Variants in STK32B observed in about 807,000 individuals in gnomAD.
STK32B encodes the protein serine/threonine kinase 32B.
A neutral mutation model predicts 52.6 loss-of-function variants in STK32B; 43 were observed. The observed-to-expected ratio is 0.82, with a 90% confidence interval of 0.64 to 1.05. The LOEUF (loss-of-function observed/expected upper bound fraction) is 1.05, where lower values mean the gene tolerates loss of function less well. Ranked by LOEUF, STK32B falls within the 50% of genes least tolerant of loss-of-function variation. The pLI, the probability that STK32B is intolerant of heterozygous loss-of-function variation, is 0.00. For missense variants in STK32B, 621 were observed against 534.6 expected (o/e 1.16, Z -1.59); for synonymous variants, 238 against 204.3 (o/e 1.17, Z -1.41).
At chr4:5,308,267 A>T (rs1055678284) in intron 3 of STK32B, among the ~76,000 whole-genome samples, 1 of 152,118 alleles carries the variant, frequency 6.6e-6, no homozygotes, top group Non-Finnish European at 1.5e-5. Context: ...TTCCTTGAAA[A>T]GGTCTGTGGA....
intron 11 of STK32B, among the ~76,000 whole-genome samples, chr4:5,483,038 C>T (rs1383341302): frequency 6.6e-6 from 1 of 152,084 alleles, no homozygotes; most frequent in Non-Finnish European, 1.5e-5. Flanking sequence ...GGATATTGGT[C>T]TAAAATTCTC....
intron 4 of STK32B, among the ~76,000 whole-genome samples, chr4:5,358,449 G>A (rs1344569836): frequency 1.3e-5 from 2 of 152,128 alleles, no homozygotes; most frequent in Non-Finnish European, 2.9e-5. Context: ...CTTTATTCCC[G>A]TGTTCTCCCT....
chr4:5,238,306 G>A (rs1724771529), intron 3 of STK32B, among the ~76,000 whole-genome samples: 1 of 152,022 alleles, frequency 6.6e-6, no homozygotes, highest in Non-Finnish European at 1.5e-5. Context: ...GGCTTGTGAT[G>A]GGATGACTGT....
Position 5,396,895 on chromosome 4 carries a change from C to T in STK32B, c.435-1312C>T, listed in dbSNP as rs904952284. 6.6e-6 allele frequency among the ~76,000 whole-genome samples: 1 copy of T among 152,216 alleles called. No homozygotes were observed. The highest frequency in any genetic ancestry group is 1.9e-4 in the East Asian group (1 of 5,194). On this transcript the variant is annotated intron_variant, in intron 4 of 11. Coordinates refer to ENST00000282908, the MANE Select transcript of STK32B (RefSeq NM_018401.3). This position sits in a 1 kb window ranked among gnomAD's most constrained non-coding sequence, Gnocchi z 4.7. The stretch of plus-strand genomic sequence containing the variant: ...ATTTTATAAGTTCTCAAGTTCATCC[C>T]TCCCATGTGGCTCCCTACGGGTCTC...
chr4:5,454,214 G>A (rs1033475232), intron 7 of STK32B, among the ~76,000 whole-genome samples: 14 of 152,300 alleles, frequency 9.2e-5, no homozygotes, highest in Non-Finnish European at 1.9e-4. Flanking sequence ...ACCTCCTGGA[G>A]TGAGAGCTCT....
chr4:5,327,998 T>C (rs1731989725), intron 3 of STK32B, among the ~76,000 whole-genome samples: 2 of 152,234 alleles, frequency 1.3e-5, no homozygotes, highest in African/African-American at 4.8e-5. Flanking sequence ...CTTCACCTTG[T>C]GCTTTTATGT....
chr4:5,154,823 TAGTG>T (rs1183929898), intron 2 of STK32B, among the ~76,000 whole-genome samples: 7 of 152,162 alleles, frequency 4.6e-5, no homozygotes, highest in Non-Finnish European at 7.3e-5. Flanking sequence ...AGTGCTGGCT[TAGTG>T]AGTGCTCGGG....
At chr4:5,253,544 T>G (rs569878812) in intron 3 of STK32B, among the ~76,000 whole-genome samples, 1 of 151,990 alleles carries the variant, frequency 6.6e-6, no homozygotes, top group Admixed American at 6.6e-5. Flanking sequence ...CCCAGCCAAG[T>G]TTTGTATTTT....
intron 3 of STK32B, among the ~76,000 whole-genome samples, chr4:5,283,263 A>T (rs952171383): frequency 1.3e-5 from 2 of 151,970 alleles, no homozygotes; most frequent in African/African-American, 4.8e-5. Flanking sequence ...TTCTTTTTTT[A>T]AAAGGCTAAA....
chr4:5,107,305 G>GGT (rs1295648155), intron 1 of STK32B, among the ~76,000 whole-genome samples: 1 of 152,032 alleles, frequency 6.6e-6, no homozygotes, highest in African/African-American at 2.4e-5. Context: ...TGATCATTAT[G>GGT]GTGAGTTGTA....
chr4:5,249,489 T>TC (rs1560259442), intron 3 of STK32B, among the ~76,000 whole-genome samples: 17 of 123,056 alleles, frequency 1.4e-4, no homozygotes, highest in African/African-American at 5.4e-4. Flanking sequence ...CTTCCTTCCT[T>TC]CCTTCCTTCC....
intron 3 of STK32B, among the ~76,000 whole-genome samples, chr4:5,284,743 A>T (rs1728438071): frequency 6.6e-6 from 1 of 152,190 alleles, no homozygotes; most frequent in Admixed American, 6.5e-5. Context: ...ACATCATATG[A>T]TACTAATCAT....
intron 3 of STK32B, among the ~76,000 whole-genome samples, chr4:5,175,659 G>A (rs1719812557): frequency 6.6e-6 from 1 of 152,200 alleles, no homozygotes; most frequent in Non-Finnish European, 1.5e-5. Context: ...TCGTTCCTCT[G>A]GAAGTTTTGT....
At chr4:5,366,318 G>A (rs7672685) in intron 4 of STK32B, among the ~76,000 whole-genome samples, 7,660 of 152,020 alleles carry the variant, frequency 0.05, 298 homozygotes, top group African/African-American at 0.1. Flanking sequence ...CTGTTTGCTC[G>A]CACCTTCTTC....
At chr4:5,162,291 A>C (rs1219393716) in intron 2 of STK32B, among the ~76,000 whole-genome samples, 1 of 152,086 alleles carries the variant, frequency 6.6e-6, no homozygotes, top group Non-Finnish European at 1.5e-5. Context: ...ATCATTCTCA[A>C]CTCTGGTTGT....
chr4:5,118,725 C>T (rs1360698716), intron 1 of STK32B, among the ~76,000 whole-genome samples: 3 of 152,182 alleles, frequency 2.0e-5, no homozygotes, highest in African/African-American at 7.2e-5. Flanking sequence ...AAGGTAAATT[C>T]CACAGGGAAC....
chr4:5,444,079 G>A (rs934618212), intron 6 of STK32B, among the ~76,000 whole-genome samples: 2 of 152,202 alleles, frequency 1.3e-5, no homozygotes, highest in African/African-American at 4.8e-5. Context: ...GCCCCCAGAG[G>A]TGGAGCCTAC....
intron 6 of STK32B, among the ~76,000 whole-genome samples, chr4:5,426,692 CAAAAAA>C (rs746246839): frequency 0.013 from 1,007 of 78,028 alleles, 5 homozygotes; most frequent in African/African-American, 0.044. Flanking sequence ...TCCATCTAAA[CAAAAAA>C]AAAAAAAAAA....
At chr4:5,308,923 T>C (rs1360735663) in intron 3 of STK32B, among the ~76,000 whole-genome samples, 2 of 151,760 alleles carry the variant, frequency 1.3e-5, no homozygotes, top group African/African-American at 2.4e-5. Flanking sequence ...AGAAAAAAAA[T>C]AAAGGGCATC....
Sources: allele counts gnomAD v4.1 joint callset (sites outside exome capture counted in the v4.1 genomes callset), GRCh38; gene constraint gnomAD v4.1.1; non-coding constraint Gnocchi (gnomAD v3.1); transcripts MANE v1.5; gene names NCBI Gene and HGNC (gene_info 2026-07-23, HGNC 2026-07-21).